Variants in TENM2 observed in about 807,000 individuals in gnomAD.
TENM2 encodes the protein teneurin transmembrane protein 2.
Under a neutral mutation model 245.2 loss-of-function variants are expected in TENM2, and 52 were observed. The observed-to-expected ratio is 0.21, with a 90% CI of 0.17 to 0.27. The LOEUF is 0.27. Ranked by LOEUF, TENM2 falls within the 10% of genes least tolerant of loss-of-function variation. The probability of loss-of-function intolerance (pLI) is 1.00; values close to 1 mark genes in which losing one functional copy is unlikely to be tolerated. For synonymous variants in TENM2, 1,363 were observed against 1,438.9 expected, an observed-to-expected ratio of 0.95 and a Z score of 1.19; for missense variants, 3,046 against 3,666.8, an observed-to-expected ratio of 0.83 and a Z score of 4.37.
chr5:168,156,336 A>G (rs975970843), intron 12 of TENM2, among the ~76,000 whole-genome samples: 1 of 149,902 alleles, frequency 6.7e-6, no homozygotes, highest in Non-Finnish European at 1.5e-5. Flanking sequence ...TGAAGCAAGC[A>G]GGGACATCTG....
At chr5:167,370,186 C>CA (rs1310397961) in intron 1 of TENM2, among the ~76,000 whole-genome samples, 3 of 151,738 alleles carry the variant, frequency 2.0e-5, no homozygotes, top group Admixed American at 1.3e-4. Context: ...ACTAAAAATA[C>CA]AAAAAATTAG....
chr5:168,173,849 A>G (rs1759083037), intron 13 of TENM2, among the ~76,000 whole-genome samples: 1 of 152,218 alleles, frequency 6.6e-6, no homozygotes, highest in Non-Finnish European at 1.5e-5. Flanking sequence ...AAATAGGTAC[A>G]GCTTGAATCT....
chr5:167,897,331 C>T (rs912452314), intron 3 of TENM2, among the ~76,000 whole-genome samples: 4 of 151,748 alleles, frequency 2.6e-5, no homozygotes, highest in African/African-American at 9.7e-5. Flanking sequence ...GAGACTTGTC[C>T]TTCTCTTGTA....
intron 9 of TENM2, among the ~76,000 whole-genome samples, chr5:168,111,141 G>A (rs1233691901): frequency 2.0e-5 from 3 of 152,204 alleles, no homozygotes; most frequent in Non-Finnish European, 4.4e-5. Flanking sequence ...TTAAGTCAGC[G>A]TGTGCTTCTT....
rs186580162 is a variant in TENM2, at chr5:167,880,094, G to C, written c.712+3899G>C. Among the ~76,000 whole-genome samples, 469 of 152,098 alleles carry C rather than the reference G, an allele frequency of 3.1e-3. 1 individual carries two copies. The highest frequency in any genetic ancestry group is 0.011 in the African/African-American group (452 of 41,484). ...TCTTGCTGATCCAGGCTGGAGTGGC[G>C]TGATCTTGGCTCACTGCAACCTCCG... On this transcript the variant is annotated intron_variant, in intron 3 of 28. Transcript: ENST00000518659.
intron 2 of TENM2, among the ~76,000 whole-genome samples, chr5:167,850,514 A>C (rs1160422782): frequency 3.3e-5 from 5 of 152,210 alleles, no homozygotes; most frequent in African/African-American, 1.2e-4. Flanking sequence ...GACATTGTTC[A>C]AAATTTAAAT....
intron 2 of TENM2, among the ~76,000 whole-genome samples, chr5:167,623,771 T>A (rs755080105): frequency 1.6e-4 from 25 of 152,314 alleles, no homozygotes; most frequent in Middle Eastern, 3.4e-3. Context: ...TGGTTTTGTT[T>A]CCTTTTTAAA....
chr5:167,820,775 G>A (rs1159137222), intron 2 of TENM2, among the ~76,000 whole-genome samples: 1 of 152,190 alleles, frequency 6.6e-6, no homozygotes, highest in Non-Finnish European at 1.5e-5. Context: ...TTAATGGGAA[G>A]AGCCAAATGA....
At chr5:166,991,372 G>GT in the TENM2 span, among the ~76,000 whole-genome samples, 51 of 147,776 alleles carry the variant, frequency 3.5e-4, no homozygotes, top group East Asian at 6.0e-4. Flanking sequence ...TGTGCGTATG[G>GT]TTTTTTTTTT....
chr5:167,929,084 AGAAAGAAAGAAAG>A (rs1778043227), intron 3 of TENM2, among the ~76,000 whole-genome samples: 1 of 119,354 alleles, frequency 8.4e-6, no homozygotes, highest in Non-Finnish European at 1.7e-5. Context: ...AAAGAAAGAA[AGAAAGAAAGAAAG>A]AAAGAAAGAA....
At chr5:167,967,789 T>C (rs1050182562) in intron 4 of TENM2, among the ~76,000 whole-genome samples, 2 of 152,168 alleles carry the variant, frequency 1.3e-5, no homozygotes, top group Non-Finnish European at 2.9e-5. Context: ...AAAAGCCAAA[T>C]ATTTCCATCT....
intron 2 of TENM2, among the ~76,000 whole-genome samples, chr5:167,627,626 C>T (rs1224376270): frequency 3.3e-5 from 5 of 150,656 alleles, no homozygotes; most frequent in Admixed American, 2.0e-4. Context: ...GGTGCAATCT[C>T]GGTTCACTGC....
At chr5:167,930,984 C>T (rs894344813) in intron 3 of TENM2, among the ~76,000 whole-genome samples, 2 of 152,060 alleles carry the variant, frequency 1.3e-5, no homozygotes, top group African/African-American at 4.8e-5. Flanking sequence ...GAGTTATTTG[C>T]CTTTAATTCT....
the TENM2 span, among the ~76,000 whole-genome samples, chr5:167,180,700 T>TA: frequency 1.8e-4 from 28 of 151,942 alleles, no homozygotes; most frequent in African/African-American, 6.0e-4. Context: ...ACTGCATTCC[T>TA]AAAAAAAGGT....
chr5:167,264,816 T>C, the TENM2 span, among the ~76,000 whole-genome samples: 1 of 152,304 alleles, frequency 6.6e-6, no homozygotes, highest in East Asian at 1.9e-4. Context: ...GTTGACGATG[T>C]TTGCTTAGCA....
chr5:167,476,425 A>T (rs1421476199), intron 2 of TENM2, among the ~76,000 whole-genome samples: 1 of 152,184 alleles, frequency 6.6e-6, no homozygotes, highest in Non-Finnish European at 1.5e-5. Flanking sequence ...TCATTATAAA[A>T]TGTCAAAAAA....
the TENM2 span, among the ~76,000 whole-genome samples, chr5:167,010,909 G>A: frequency 6.6e-6 from 1 of 152,112 alleles, no homozygotes; most frequent in Non-Finnish European, 1.5e-5. Context: ...GGTTTGCTCA[G>A]TACTTTATAA....
chr5:167,859,080 G>A (rs1411725261), intron 2 of TENM2, among the ~76,000 whole-genome samples: 14 of 148,788 alleles, frequency 9.4e-5, no homozygotes, highest in African/African-American at 2.2e-4. Context: ...TCTCTGCCCG[G>A]CCGCCCATCG....
the TENM2 span, among the ~76,000 whole-genome samples, chr5:167,191,837 T>C: frequency 6.6e-6 from 1 of 151,992 alleles, no homozygotes; most frequent in African/African-American, 2.4e-5. Flanking sequence ...GACTCAAAAC[T>C]TGTTAAAAAT....
Sources: allele counts gnomAD v4.1 joint callset (sites outside exome capture counted in the v4.1 genomes callset), GRCh38; gene constraint gnomAD v4.1.1; transcripts MANE v1.5; gene names NCBI Gene and HGNC (gene_info 2026-07-23, HGNC 2026-07-21).